Variants in ETV2 observed in about 807,000 individuals in gnomAD.
ETV2 encodes the protein ETS variant transcription factor 2, also known as ETS translocation variant 2.
In ETV2, 34 loss-of-function variants were observed where a neutral mutation model predicts 35.7. The ratio of observed to expected loss-of-function variants is 0.95; its 90% CI spans 0.72 to 1.27. The LOEUF is 1.27. Among genes scored for constraint, ETV2 ranks in the 50% most tolerant of loss-of-function variants. The probability of loss-of-function intolerance (pLI) is 0.00; values close to 1 mark genes in which losing one functional copy is unlikely to be tolerated. For missense variants in ETV2, 512 were observed against 470.5 expected, an observed-to-expected ratio of 1.09 and a Z score of -0.82; for synonymous variants, 207 against 203.9, an observed-to-expected ratio of 1.02 and a Z score of -0.13.
In ETV2 at chr19:35,643,837, AGACT is replaced by A. The variant is rs1967692947; in HGVS notation, c.715+88_715+91del. ...GGCACCTAAGGGGGCGGGGCCCGGG[AGACT>A]GACAGTGAGGGGGCGGGGGCTTAGG... On this transcript the variant is annotated intron_variant, in intron 5 of 6. Coordinates refer to ENST00000402764, the MANE Select transcript of ETV2 (RefSeq NM_014209.4). This position sits in a 1 kb window ranked among gnomAD's most constrained non-coding sequence, Gnocchi z 5.0. 1 of 1,572,128 alleles carries A rather than the reference AGACT, an allele frequency of 6.4e-7. No homozygotes were observed. The highest frequency in any genetic ancestry group is 8.6e-7 in the Non-Finnish European group (1 of 1,161,110).
Position 35,641,938 on chromosome 19 carries a change from C to T in ETV2, c.-246C>T, listed in dbSNP as rs1408394685. The stretch of plus-strand genomic sequence containing the variant: ...TGTTCCCCAAGCCTCGCTCCAAGCC[C>T]ACGCCACCCCTGCAGCAGGGCAGCC... On this transcript the variant is annotated 5_prime_UTR_variant, in exon 1 of 7. Transcript: ENST00000402764. 2.0e-5 allele frequency: 3 copies of T among 152,582 alleles called. No homozygotes were observed. The Admixed American group carries it at 2.0e-4, about 10-fold the overall frequency. The allele number at this position is 152,582 out of a possible 1,614,324, so 9.5% of individuals were successfully genotyped here.
chr19:35,642,808 G>C lies in ETV2; in HGVS notation c.154+110G>C. 9.7e-7 allele frequency: 1 copy of C among 1,032,446 alleles called. No homozygotes were observed. Among genetic ancestry groups the C allele is most frequent in the Non-Finnish European group, 1.5e-6 (1 of 682,220 alleles). The allele number at this position is 1,032,446 out of a possible 1,614,324, so 64.0% of individuals were successfully genotyped here. A position where few individuals can be genotyped will look rare whatever the true frequency, so the allele number is the denominator to read the frequency against. ...TAGGTTCCTGGGACTGGGTGGGGAGGGGCCGCGTGCTTGACCCCTGAGGGT... is the reference window on the plus strand; with the variant it reads ...TAGGTTCCTGGGACTGGGTGGGGAGCGGCCGCGTGCTTGACCCCTGAGGGT... On this transcript the variant is annotated intron_variant, in intron 3 of 6. Transcript: ENST00000402764. This position sits in a 1 kb window ranked among gnomAD's most constrained non-coding sequence, Gnocchi z 4.4.
chr19:35,643,359 G>GA lies in ETV2; in HGVS notation c.322dup (p.Thr108AsnfsTer129). The GA allele has an allele frequency of 6.3e-7, 1 of 1,581,504 alleles. No homozygotes were observed. On this transcript the variant is annotated frameshift_variant, in exon 5 of 7. Transcript: ENST00000402764. LOFTEE classifies it high-confidence loss of function. The surrounding 1 kb of genome is among the most constrained non-coding windows in gnomAD (Gnocchi z 5.0). ...GGGACTCTTGGAGCGGCGCCTCGCA[G>GA]ACCCTGGGCCCCGCCCCTCTCGGCC...
rs1401970190 is a variant in ETV2, at chr19:35,643,302, C to G, written c.264C>G (p.Ser88=). Reference sequence around the variant, plus strand: ...CCGACTCTCAGGCTCTTCCGTGGTCCGGGGACTGGACAGACATGGCGTGCA... The same window carrying G: ...CCGACTCTCAGGCTCTTCCGTGGTCGGGGGACTGGACAGACATGGCGTGCA... ...AEPDSQALPW[S]GDWTDMACTA... Residue 88 remains serine (S), a synonymous_variant, in exon 5 of 7, where the codon TCC becomes TCG. Coordinates refer to ENST00000402764, the MANE Select transcript of ETV2 (RefSeq NM_014209.4). The surrounding 1 kb of genome is among the most constrained non-coding windows in gnomAD (Gnocchi z 5.0). The G allele has an allele frequency of 6.2e-7, 1 of 1,602,340 alleles. No homozygotes were observed. Among genetic ancestry groups the G allele is most frequent in the Non-Finnish European group, 8.5e-7 (1 of 1,176,354 alleles).
At position 35,644,117 on chromosome 19, in the gene ETV2, G is replaced by T. The variant is rs913201068; in HGVS notation, c.716-118G>T. On this transcript the variant is annotated intron_variant, in intron 5 of 6. Transcript: ENST00000402764. This position sits in a 1 kb window ranked among gnomAD's most constrained non-coding sequence, Gnocchi z 4.7. The stretch of plus-strand genomic sequence containing the variant: ...GACTGTTGGATCTCAGAGAAGGGGG[G>T]GCGGATCCCCTTCTCGGGTCCTGGG... 59 of 736,754 alleles carry T rather than the reference G, an allele frequency of 8.0e-5. No individual in the cohort carries two copies. The highest frequency in any genetic ancestry group is 6.9e-4 in the Middle Eastern group (2 of 2,912). 45.6% of individuals were successfully genotyped at this position (736,754 alleles called of 1,614,324 possible). A position where few individuals can be genotyped will look rare whatever the true frequency, so the allele number is the denominator to read the frequency against.
chr19:35,644,217 C>A lies in ETV2; in HGVS notation c.716-18C>A, dbSNP rs1159400051. Reference sequence around the variant, plus strand: ...TAGGGCCGGGAAGACTGAGTGTGCCCCTCCCTTCATCCCGCAGGTCCCATT... The same window carrying A: ...TAGGGCCGGGAAGACTGAGTGTGCCACTCCCTTCATCCCGCAGGTCCCATT... On this transcript the variant is annotated intron_variant, in intron 5 of 6. Transcript: ENST00000402764. The surrounding 1 kb of genome is among the most constrained non-coding windows in gnomAD (Gnocchi z 4.7). 4 of 1,500,450 alleles carry A rather than the reference C, an allele frequency of 2.7e-6. No homozygotes were observed. Among genetic ancestry groups the A allele is most frequent in the Non-Finnish European group, 3.6e-6 (4 of 1,099,586 alleles). The allele number at this position is 1,500,450 out of a possible 1,614,324, so 92.9% of individuals were successfully genotyped here.
chr19:35,644,403 G>C lies in ETV2; in HGVS notation c.828+56G>C. ...GCCCCGTCTCTTCTAGTTCAATTTA[G>C]CTCCGCCCAAGGGCTAGGTTCAACC... On this transcript the variant is annotated intron_variant, in intron 6 of 6. Coordinates refer to ENST00000402764, the MANE Select transcript of ETV2 (RefSeq NM_014209.4). This position sits in a 1 kb window ranked among gnomAD's most constrained non-coding sequence, Gnocchi z 4.7. 8.0e-7 allele frequency: 1 copy of C among 1,250,676 alleles called. No individual in the cohort carries two copies. 77.5% of individuals were successfully genotyped at this position (1,250,676 alleles called of 1,614,324 possible). A position where few individuals can be genotyped will look rare whatever the true frequency, so the allele number is the denominator to read the frequency against.
At position 35,643,985 on chromosome 19, in the gene ETV2, T is replaced by C. The variant is rs2146363738; in HGVS notation, c.715+232T>C. Among the ~76,000 whole-genome samples the C allele has an allele frequency of 6.6e-6, 1 of 152,240 alleles. No homozygotes were observed. The highest frequency in any genetic ancestry group is 1.9e-4 in the East Asian group (1 of 5,166). ...GATGAGGACCCAGGCTCCTGGATTA[T>C]ATAAAACGAAAGCGATAAAGGCCCA... On this transcript the variant is annotated intron_variant, in intron 5 of 6. Transcript: ENST00000402764. This position sits in a 1 kb window ranked among gnomAD's most constrained non-coding sequence, Gnocchi z 5.0.
Position 35,643,405 on chromosome 19 carries a change from G to C in ETV2, c.367G>C (p.Gly123Arg), listed in dbSNP as rs570810664. The C allele has an allele frequency of 3.9e-6, 6 of 1,544,432 alleles. No individual in the cohort carries two copies. In the African/African-American group the frequency reaches 5.5e-5, roughly 14 times the overall value. ...CGGCCCGGGCCCCATCCCCGCCGCCGGCTCCGAAGGCGCCGCGGGCCAGAA... is the reference window on the plus strand; with the variant it reads ...CGGCCCGGGCCCCATCCCCGCCGCCCGCTCCGAAGGCGCCGCGGGCCAGAA... The part of the protein sequence containing the change: ...PLGPGPIPAA[G>R]SEGAAGQNCV... Residue 123 changes from glycine to arginine, a missense_variant, in exon 5 of 7, where the codon GGC becomes CGC. Gly to Arg is a moderately radical substitution (Grantham distance 125). Coordinates refer to ENST00000402764, the MANE Select transcript of ETV2 (RefSeq NM_014209.4). This position sits in a 1 kb window ranked among gnomAD's most constrained non-coding sequence, Gnocchi z 5.0.
chr19:35,644,636 C>A lies in ETV2; in HGVS notation c.829-16C>A, dbSNP rs754958225. The A allele has an allele frequency of 1.6e-5, 25 of 1,600,644 alleles. No homozygotes were observed. Among genetic ancestry groups the A allele is most frequent in the Non-Finnish European group, 2.1e-5 (25 of 1,172,830 alleles). The stretch of plus-strand genomic sequence containing the variant: ...CCCGCCCCTTCCCACTCCGACCGAG[C>A]GGGCCTCTGTCCTAGGTGGCTCGGC... On this transcript the variant is annotated splice_polypyrimidine_tract_variant and intron_variant, in intron 6 of 6. Coordinates refer to ENST00000402764, the MANE Select transcript of ETV2 (RefSeq NM_014209.4). The surrounding 1 kb of genome is among the most constrained non-coding windows in gnomAD (Gnocchi z 4.7).
rs1404220103 is a variant in ETV2, at chr19:35,643,845, A to G, written c.715+92A>G. ...AGGGGGCGGGGCCCGGGAGACTGAC[A>G]GTGAGGGGGCGGGGGCTTAGGGACC... On this transcript the variant is annotated intron_variant, in intron 5 of 6. Coordinates refer to ENST00000402764, the MANE Select transcript of ETV2 (RefSeq NM_014209.4). This position sits in a 1 kb window ranked among gnomAD's most constrained non-coding sequence, Gnocchi z 5.0. 1.3e-6 allele frequency: 2 copies of G among 1,543,832 alleles called. No individual in the cohort carries two copies. The highest frequency in any genetic ancestry group is 1.8e-6 in the Non-Finnish European group (2 of 1,139,538).
Position 35,643,789 on chromosome 19 carries a change from C to G in ETV2, c.715+36C>G, listed in dbSNP as rs1447993989. 1 of 1,611,876 alleles carries G rather than the reference C, an allele frequency of 6.2e-7. No homozygotes were observed. Among genetic ancestry groups the G allele is most frequent in the Non-Finnish European group, 8.5e-7 (1 of 1,179,584 alleles). On this transcript the variant is annotated intron_variant, in intron 5 of 6. Transcript: ENST00000402764. The surrounding 1 kb of genome is among the most constrained non-coding windows in gnomAD (Gnocchi z 5.0). ...CGCAAAGACTGCGGGGAGGGCGAAG[C>G]TGGAGTCCTGAGCCGGGACCCAGGC...
Position 35,643,158 on chromosome 19 carries a change from G to A in ETV2, c.235+113G>A, listed in dbSNP as rs988535994. On this transcript the variant is annotated intron_variant, in intron 4 of 6. Coordinates refer to ENST00000402764, the MANE Select transcript of ETV2 (RefSeq NM_014209.4). This position sits in a 1 kb window ranked among gnomAD's most constrained non-coding sequence, Gnocchi z 5.0. The stretch of plus-strand genomic sequence containing the variant: ...TGAGAACACCTGCGCCCTCAAGGTG[G>A]CATGACCTGGATCCGGGTCAGCCGG... 4.8e-6 allele frequency: 7 copies of A among 1,448,116 alleles called. No individual in the cohort carries two copies. The highest frequency in any genetic ancestry group is 2.3e-5 in the Admixed American group (1 of 44,022). The allele number at this position is 1,448,116 out of a possible 1,614,324, so 89.7% of individuals were successfully genotyped here. A position where few individuals can be genotyped will look rare whatever the true frequency, so the allele number is the denominator to read the frequency against.
rs1967638877 is a variant in ETV2, at chr19:35,642,815, G to C, written c.154+117G>C. ...CTGGGACTGGGTGGGGAGGGGCCGC[G>C]TGCTTGACCCCTGAGGGTGAAGGAA... On this transcript the variant is annotated intron_variant, in intron 3 of 6. Transcript: ENST00000402764. The surrounding 1 kb of genome is among the most constrained non-coding windows in gnomAD (Gnocchi z 4.4). 9.9e-7 allele frequency: 1 copy of C among 1,014,766 alleles called. No individual in the cohort carries two copies. Among genetic ancestry groups the C allele is most frequent in the Non-Finnish European group, 1.5e-6 (1 of 665,668 alleles). The allele number at this position is 1,014,766 out of a possible 1,614,324, so 62.9% of individuals were successfully genotyped here. A position where few individuals can be genotyped will look rare whatever the true frequency, so the allele number is the denominator to read the frequency against.
Position 35,642,541 on chromosome 19 carries a change from G to A in ETV2, c.70+11G>A, listed in dbSNP as rs1967628420. 1 of 1,612,698 alleles carries A rather than the reference G, an allele frequency of 6.2e-7. No homozygotes were observed. The highest frequency in any genetic ancestry group is 1.3e-5 in the African/African-American group (1 of 75,018). ...AGCTGGCAGGGCTTGGTAGGCTGCCGAGGCTGCCACAACGTGTGTGGGGAG... is the reference window on the plus strand; with the variant it reads ...AGCTGGCAGGGCTTGGTAGGCTGCCAAGGCTGCCACAACGTGTGTGGGGAG... On this transcript the variant is annotated intron_variant, in intron 2 of 6. Coordinates refer to ENST00000402764, the MANE Select transcript of ETV2 (RefSeq NM_014209.4). The surrounding 1 kb of genome is among the most constrained non-coding windows in gnomAD (Gnocchi z 4.4).
chr19:35,643,764 C>G lies in ETV2; in HGVS notation c.715+11C>G, dbSNP rs1248401301. The G allele has an allele frequency of 6.2e-7, 1 of 1,613,074 alleles. No homozygotes were observed. Among genetic ancestry groups the G allele is most frequent in the Non-Finnish European group, 8.5e-7 (1 of 1,179,716 alleles). On this transcript the variant is annotated intron_variant, in intron 5 of 6. Transcript: ENST00000402764. This position sits in a 1 kb window ranked among gnomAD's most constrained non-coding sequence, Gnocchi z 5.0. ...AAACTAACCACCGAGGTGAGAGGGC[C>G]GCAAAGACTGCGGGGAGGGCGAAGC...
Position 35,644,868 on chromosome 19 carries a change from C to G in ETV2, c.*16C>G. On this transcript the variant is annotated 3_prime_UTR_variant, in exon 7 of 7. Transcript: ENST00000402764. The surrounding 1 kb of genome is among the most constrained non-coding windows in gnomAD (Gnocchi z 4.7). The stretch of plus-strand genomic sequence containing the variant: ...GACACAATAAAAATTCCCGGTCAAA[C>G]CTCTTCGCGCGTGCTCCTCTGCAGC... The G allele has an allele frequency of 7.6e-6, 12 of 1,570,048 alleles. No homozygotes were observed. Among genetic ancestry groups the G allele is most frequent in the Non-Finnish European group, 8.7e-6 (10 of 1,155,642 alleles).
Position 35,644,540 on chromosome 19 carries a change from C to A in ETV2, c.829-112C>A. On this transcript the variant is annotated intron_variant, in intron 6 of 6. Transcript: ENST00000402764. The surrounding 1 kb of genome is among the most constrained non-coding windows in gnomAD (Gnocchi z 4.7). ...CTCAACCAACCCAGTCTCCACCGGGCTCTGCGAGGCCTCGCCCAGGTCTGC... is the reference window on the plus strand; with the variant it reads ...CTCAACCAACCCAGTCTCCACCGGGATCTGCGAGGCCTCGCCCAGGTCTGC... 9.2e-7 allele frequency: 1 copy of A among 1,091,100 alleles called. No homozygotes were observed. Among genetic ancestry groups the A allele is most frequent in the Non-Finnish European group, 1.3e-6 (1 of 766,160 alleles). The allele number at this position is 1,091,100 out of a possible 1,614,324, so 67.6% of individuals were successfully genotyped here. A position where few individuals can be genotyped will look rare whatever the true frequency, so the allele number is the denominator to read the frequency against.
chr19:35,643,660 C>G lies in ETV2; in HGVS notation c.622C>G (p.Arg208Gly), dbSNP rs748492525. 5.0e-6 allele frequency: 8 copies of G among 1,613,668 alleles called. No individual in the cohort carries two copies. The highest frequency in any genetic ancestry group is 1.6e-4 in the Middle Eastern group (1 of 6,084). ...LHAGGTTSLK[R>G]YQSSALTVCS... ...TGCGGGTGGCACCACCTCTTTGAAGCGGTACCAGAGCTCAGCTCTCACCGT... is the reference window on the plus strand; with the variant it reads ...TGCGGGTGGCACCACCTCTTTGAAGGGGTACCAGAGCTCAGCTCTCACCGT... The change falls in exon 5 of 7, where the codon CGG becomes GGG. Residue 208 changes from arginine to glycine, a missense_variant. Transcript: ENST00000402764. The surrounding 1 kb of genome is among the most constrained non-coding windows in gnomAD (Gnocchi z 5.0).
Sources: gnomAD v4.1 joint callset for allele counts (sites outside exome capture counted in the v4.1 genomes callset) on GRCh38, gnomAD v4.1.1 for gene constraint, Gnocchi (gnomAD v3.1) non-coding constraint, MANE v1.5 for transcripts, NCBI Gene and HGNC (gene_info 2026-07-23, HGNC 2026-07-21) for gene names.